Variants in KMT5B observed in about 807,000 individuals in gnomAD.
KMT5B encodes the protein histone-lysine N-methyltransferase KMT5B.
In KMT5B, 10 loss-of-function variants were observed where a neutral mutation model predicts 83.2. The observed-to-expected ratio is 0.12, with a 90% CI of 0.07 to 0.20. The LOEUF is 0.20. Ranked by LOEUF, KMT5B falls within the 10% of genes least tolerant of loss-of-function variation. The pLI is 1.00. For missense variants in KMT5B, 753 were observed against 1,067.2 expected (o/e 0.71, Z 4.10); for synonymous variants, 349 against 388.8 (o/e 0.90, Z 1.20).
At chr11:68,202,371 G>C (rs1215598948) in intron 1 of KMT5B, among the ~76,000 whole-genome samples, 1 of 152,072 alleles carries the variant, frequency 6.6e-6, no homozygotes, top group Non-Finnish European at 1.5e-5. Context: ...TTTGCACTTG[G>C]GGTGCCGCCA....
At chr11:68,191,532 C>A (rs1858063945) in intron 1 of KMT5B, among the ~76,000 whole-genome samples, 1 of 152,018 alleles carries the variant, frequency 6.6e-6, no homozygotes, top group Non-Finnish European at 1.5e-5. Flanking sequence ...CAGGGTTTTA[C>A]CATGTTGGCT....
At chr11:68,192,424 T>C (rs1223617205) in intron 1 of KMT5B, among the ~76,000 whole-genome samples, 1 of 152,216 alleles carries the variant, frequency 6.6e-6, no homozygotes, top group Non-Finnish European at 1.5e-5. Context: ...TTCTGACTTG[T>C]TCCTTGCTTG....
chr11:68,161,769 T>TA (rs1461445814), intron 10 of KMT5B, among the ~76,000 whole-genome samples: 1 of 152,160 alleles, frequency 6.6e-6, no homozygotes, highest in African/African-American at 2.4e-5. Context: ...ATCGGCCCCT[T>TA]AGACTGTTCT....
At position 68,158,264 on chromosome 11, in the gene KMT5B, A is replaced by C; in HGVS notation, c.2082T>G (p.Ser694Arg). The change falls in exon 11 of 11, where the codon AGT (serine) becomes AGG (arginine). Residue 694 changes from serine (S) to arginine (R), a missense_variant. Around this residue, in one of 9 missense-constraint regions of KMT5B, gnomAD observed 397 missense variants for 395.9 expected, o/e 1.00. Coordinates refer to ENST00000304363, the MANE Select transcript of KMT5B (RefSeq NM_017635.5). Reference protein sequence around the residue: ...KTKDSFRTAKSKKKRRITRYD... With the variant: ...KTKDSFRTAKRKKKRRITRYD... ...ACCTTGTGATTCGCCTCTTCTTTTT[A>C]CTTTTTGCAGTTCTAAAGCTGTCTT... The C allele has an allele frequency of 6.2e-7, 1 of 1,614,026 alleles. No homozygotes were observed. Among genetic ancestry groups the C allele is most frequent in the Middle Eastern group, 1.6e-4 (1 of 6,062 alleles).
At position 68,180,145 on chromosome 11, in the gene KMT5B, T is replaced by C; in HGVS notation, c.364A>G (p.Asn122Asp). The change falls in exon 4 of 11, where the codon AAC (asparagine) becomes GAC (aspartate). Residue 122 changes from asparagine (N) to aspartate (D), a missense_variant. Asn to Asp is a conservative substitution (Grantham distance 23, BLOSUM62 1). Around this residue, in one of 9 missense-constraint regions of KMT5B, gnomAD observed 71 missense variants for 107.0 expected, o/e 0.66. Coordinates refer to ENST00000304363, the MANE Select transcript of KMT5B (RefSeq NM_017635.5). ...HFSKSDSFSH[N>D]NPVRFRPIKG... ...CACACTACCTACCTCACAGGGTTGT[T>C]GTGAGAAAAACTGTCAGATTTTGAA... 6.3e-7 allele frequency: 1 copy of C among 1,584,230 alleles called. No individual in the cohort carries two copies. Among genetic ancestry groups the C allele is most frequent in the Non-Finnish European group, 8.6e-7 (1 of 1,157,640 alleles).
chr11:68,158,715 G>T lies in KMT5B; in HGVS notation c.1631C>A (p.Thr544Lys). 1 of 1,614,058 alleles carries T rather than the reference G, an allele frequency of 6.2e-7. No individual in the cohort carries two copies. ...AGAGGCCTCCTTCAGATTTGTTCTT[G>T]TCCTCACTGACCGCCGAGTTATGTA... is the stretch of plus-strand genomic sequence containing the variant. Reference protein sequence around the residue: ...CTYITRRSVRTRTNLKEASDI... With the variant: ...CTYITRRSVRKRTNLKEASDI... The change falls in exon 11 of 11, where the codon ACA becomes AAA. Residue 544 changes from threonine (T) to lysine (K), a missense_variant. Physicochemically the swap from Thr to Lys is moderately conservative, Grantham distance 78. Transcript: ENST00000304363.
chr11:68,209,463 C>T (rs995529621), intron 1 of KMT5B, among the ~76,000 whole-genome samples: 8 of 152,192 alleles, frequency 5.3e-5, no homozygotes, highest in African/African-American at 1.7e-4. Flanking sequence ...AGCAGAATGA[C>T]CCTTCACTGA....
intron 4 of KMT5B, chr11:68,179,438 A>G (rs1856704526): frequency 7.7e-7 from 1 of 1,301,794 alleles, no homozygotes; most frequent in African/African-American, 1.5e-5. Context: ...AAGGGGCAGG[A>G]AAAAAACATA....
At chr11:68,203,090 C>T (rs914903675) in intron 1 of KMT5B, among the ~76,000 whole-genome samples, 6 of 152,132 alleles carry the variant, frequency 3.9e-5, no homozygotes, top group Non-Finnish European at 7.3e-5. Flanking sequence ...ATTCTCCTGC[C>T]TCAGCCTCCT....
chr11:68,206,718 G>A (rs897303663), intron 1 of KMT5B, among the ~76,000 whole-genome samples: 9 of 152,058 alleles, frequency 5.9e-5, no homozygotes, highest in Admixed American at 6.6e-5. Context: ...TAAGGCAAAA[G>A]TAAAGCAGGC....
At chr11:68,196,814 A>G (rs1858773898) in intron 1 of KMT5B, among the ~76,000 whole-genome samples, 1 of 152,188 alleles carries the variant, frequency 6.6e-6, no homozygotes, top group Admixed American at 6.5e-5. Flanking sequence ...TCATCTGTAG[A>G]ATGCCTGTGT....
rs780664772 is a variant in KMT5B, at chr11:68,157,937, A to G, written c.2409T>C (p.Ser803=). 6.2e-7 allele frequency: 1 copy of G among 1,614,150 alleles called. No homozygotes were observed. The highest frequency in any genetic ancestry group is 1.3e-5 in the African/African-American group (1 of 75,062). Residue 803 remains serine (S), a synonymous_variant, in exon 11 of 11, where the codon AGT becomes AGC. Coordinates refer to ENST00000304363, the MANE Select transcript of KMT5B (RefSeq NM_017635.5). ...GAGACTCCAAGAGAGAAAGAGGATC[A>G]CTGCAGCACACCCCATTTTCATGAA... The part of the protein sequence containing the change: ...EGLHENGVCC[S]DPLSLLESRM...
chr11:68,159,365 G>A (rs1470066685), intron 10 of KMT5B, among the ~76,000 whole-genome samples, 194 bp from the exon 11 acceptor site: 1 of 152,078 alleles, frequency 6.6e-6, no homozygotes, highest in Non-Finnish European at 1.5e-5. Context: ...TCTAATTTAT[G>A]GGGCATCTAT....
chr11:68,211,029 C>G (rs901367962), intron 1 of KMT5B, among the ~76,000 whole-genome samples: 4 of 152,194 alleles, frequency 2.6e-5, no homozygotes, highest in Non-Finnish European at 4.4e-5. Context: ...GCCACACACA[C>G]AAATCTCTTT....
At chr11:68,164,238 C>T (rs1237290601) in intron 10 of KMT5B, among the ~76,000 whole-genome samples, 1 of 152,246 alleles carries the variant, frequency 6.6e-6, no homozygotes, top group African/African-American at 2.4e-5. Flanking sequence ...GGAAATTTTT[C>T]TTCCAACTAC....
intron 10 of KMT5B, chr11:68,164,553 ACAT>A: frequency 2.2e-6 from 1 of 448,200 alleles, no homozygotes; most frequent in South Asian, 1.6e-5. Context: ...ACATGACTTA[ACAT>A]ACAATGGTCT....
chr11:68,196,926 A>C (rs987420521), intron 1 of KMT5B, among the ~76,000 whole-genome samples: 3 of 152,218 alleles, frequency 2.0e-5, no homozygotes, highest in African/African-American at 7.2e-5. Flanking sequence ...ATTATATGAA[A>C]TAGAAATAAA....
Position 68,189,936 on chromosome 11 carries a change from G to A in KMT5B, c.141C>T (p.Val47=), listed in dbSNP as rs1857862370. The A allele has an allele frequency of 6.2e-7, 1 of 1,614,032 alleles. No individual in the cohort carries two copies. The highest frequency in any genetic ancestry group is 8.5e-7 in the Non-Finnish European group (1 of 1,179,988). ...ACATACATCTGTTCGACCTCCTCTC[G>A]ACTGCATTTTTGCCAGCCTTCAGGG... ...KDTLKAGKNA[V]ERRSNRCNGN... is the part of the protein sequence containing the mutation. Residue 47 remains valine (V), a synonymous_variant, in exon 2 of 11, where the codon GTC becomes GTT. Coordinates refer to ENST00000304363, the MANE Select transcript of KMT5B (RefSeq NM_017635.5).
intron 1 of KMT5B, among the ~76,000 whole-genome samples, chr11:68,204,619 T>TTC: frequency 7.8e-6 from 1 of 127,680 alleles, no homozygotes; most frequent in East Asian, 2.1e-4. Context: ...CGGTTTTTTT[T>TTC]TTTTTTTTTT....
Sources: allele counts gnomAD v4.1 joint callset (sites outside exome capture counted in the v4.1 genomes callset), GRCh38; gene constraint gnomAD v4.1.1; regional missense constraint gnomAD v4.1.1; transcripts MANE v1.5; gene names NCBI Gene and HGNC (gene_info 2026-07-23, HGNC 2026-07-21).